ELP2: variants seen among roughly 807,000 people sequenced by gnomAD.
ELP2 encodes the protein elongator acetyltransferase complex subunit 2, also known as elongator complex protein 2.
ELP2 carries 90 observed loss-of-function variants against 119.2 expected under a neutral mutation model. That is an observed-to-expected ratio of 0.75 (90% CI 0.64 to 0.90). The LOEUF is 0.90. Ranked by LOEUF, ELP2 falls within the 40% of genes least tolerant of loss-of-function variation. ELP2 has a pLI of 0.00. For missense variants in ELP2, 921 were observed against 967.8 expected, an observed-to-expected ratio of 0.95 and a Z score of 0.64; for synonymous variants, 339 against 331.0, an observed-to-expected ratio of 1.02 and a Z score of -0.26.
chr18:36,164,696 T>C (rs1430826409), intron 18 of ELP2, 29 bp downstream of exon 18: 1 of 1,602,922 alleles, frequency 6.2e-7, no homozygotes, highest in Non-Finnish European at 8.5e-7. Context: ...GGGAAAGTTA[T>C]TAGTGAAACA....
At chr18:36,160,601 T>C (rs1335418335) in intron 16 of ELP2, among the ~76,000 whole-genome samples, 1 of 150,196 alleles carries the variant, frequency 6.7e-6, no homozygotes, top group Non-Finnish European at 1.5e-5. Flanking sequence ...AAGACTTAAG[T>C]TTTGTTGTTA....
At chr18:36,140,989 T>C (rs549516689) in intron 5 of ELP2, 148 bp from the exon 6 acceptor site, 76 of 732,058 alleles carry the variant, frequency 1.0e-4, no homozygotes, top group Admixed American at 5.8e-4. Context: ...CCTGCAGACA[T>C]TTATTGAGCA....
chr18:36,146,693 A>G (rs2090214272), intron 11 of ELP2, among the ~76,000 whole-genome samples: 1 of 152,178 alleles, frequency 6.6e-6, no homozygotes, highest in Admixed American at 6.5e-5. Flanking sequence ...CCTATTATTG[A>G]ATGAATGTCA....
At chr18:36,169,531 C>T (rs531666003) in intron 19 of ELP2, among the ~76,000 whole-genome samples, 294 of 151,668 alleles carry the variant, frequency 1.9e-3, no homozygotes, top group Middle Eastern at 6.9e-3. Context: ...GGATTACAGG[C>T]ACCCGCCACC....
At chr18:36,169,385 GTTCT>G (rs933189535) in intron 19 of ELP2, among the ~76,000 whole-genome samples, 1 of 107,588 alleles carries the variant, frequency 9.3e-6, no homozygotes, top group Non-Finnish European at 1.9e-5. Context: ...AAGCTGATAA[GTTCT>G]TTTTTTTTTT....
In ELP2 at chr18:36,178,201, A is replaced by G. The variant is rs1488384880; in HGVS notation, c.*3560A>G. ...GCCCAGCTCTGGGTACAGTTGGGCC[A>G]CAGCAGAAGGAGGGCCAGGGTAGAG... On this transcript the variant is annotated 3_prime_UTR_variant, in exon 22 of 22. Transcript: ENST00000358232. The G allele has an allele frequency of 6.6e-6, 1 of 152,270 alleles. No individual in the cohort carries two copies. Among genetic ancestry groups the G allele is most frequent in the African/African-American group, 2.4e-5 (1 of 41,456 alleles). The allele number at this position is 152,270 out of a possible 1,614,324, so 9.4% of individuals were successfully genotyped here.
At chr18:36,164,920 T>A (rs558620778) in intron 18 of ELP2, 1 of 489,690 alleles carries the variant, frequency 2.0e-6, no homozygotes, top group African/African-American at 1.9e-5. Flanking sequence ...ATATCTCAGT[T>A]CAAGAAACAT....
intron 1 of ELP2, among the ~76,000 whole-genome samples, chr18:36,132,188 G>A (rs760612977): frequency 1.2e-4 from 18 of 152,106 alleles, no homozygotes; most frequent in Non-Finnish European, 2.4e-4. Flanking sequence ...ACCTGGCCTC[G>A]ATTGGGCTTT....
chr18:36,142,471 A>G (rs1049782641), intron 7 of ELP2, 124 bp downstream of exon 7: 4 of 796,970 alleles, frequency 5.0e-6, no homozygotes, highest in Non-Finnish European at 6.5e-6. Context: ...TATTGTCCCA[A>G]TTAGAAAGGA....
intron 17 of ELP2, among the ~76,000 whole-genome samples, chr18:36,163,671 T>C (rs991399024): frequency 2.6e-4 from 39 of 152,166 alleles, no homozygotes; most frequent in Admixed American, 6.5e-5. Context: ...TCTTTTATTG[T>C]AGATACCAGT....
chr18:36,142,205 G>A, intron 6 of ELP2, 76 bp from the exon 7 acceptor site: 2 of 1,204,442 alleles, frequency 1.7e-6, no homozygotes, highest in South Asian at 2.4e-5. Context: ...AGGACTGTCT[G>A]AGACCAAATG....
intron 7 of ELP2, 73 bp downstream of exon 7, chr18:36,142,420 T>C: frequency 7.9e-7 from 1 of 1,263,810 alleles, no homozygotes; most frequent in South Asian, 1.2e-5. Context: ...GCAGCCTTTT[T>C]TGTTTTAATT....
At chr18:36,171,707 A>G (rs1963507333) in intron 21 of ELP2, among the ~76,000 whole-genome samples, 2 of 151,810 alleles carry the variant, frequency 1.3e-5, no homozygotes, top group South Asian at 4.2e-4. Context: ...CTACCCTTTT[A>G]CAGGTTTTAT....
At chr18:36,132,277 C>T (rs554330739) in intron 1 of ELP2, among the ~76,000 whole-genome samples, 259 of 152,282 alleles carry the variant, frequency 1.7e-3, no homozygotes, top group African/African-American at 6.2e-3. Flanking sequence ...AAATCTTCGA[C>T]GACCATCTGT....
At chr18:36,142,606 A>G (rs537257806) in intron 7 of ELP2, among the ~76,000 whole-genome samples, 113 of 152,294 alleles carry the variant, frequency 7.4e-4, no homozygotes, top group Admixed American at 1.2e-3. Flanking sequence ...AGAACTTAGT[A>G]GACTATATAC....
intron 9 of ELP2, among the ~76,000 whole-genome samples, chr18:36,145,610 CTA>C (rs972362153): frequency 6.6e-6 from 1 of 152,182 alleles, no homozygotes; most frequent in Admixed American, 6.5e-5. Context: ...TTACATTATG[CTA>C]TGTTTGCTGT....
chr18:36,175,663 G>T lies in ELP2; in HGVS notation c.*1022G>T, dbSNP rs1327515535. The T allele has an allele frequency of 2.6e-5, 4 of 152,370 alleles. No individual in the cohort carries two copies. The highest frequency in any genetic ancestry group is 9.6e-5 in the African/African-American group (4 of 41,460). 9.4% of individuals were successfully genotyped at this position (152,370 alleles called of 1,614,324 possible). ...AAGAAAAGGGTACTGGAAACAGCAT[G>T]TCAGTGGTGCCAGCTGAGGGCTGGA... On this transcript the variant is annotated 3_prime_UTR_variant, in exon 22 of 22. Coordinates refer to ENST00000358232, the MANE Select transcript of ELP2 (RefSeq NM_018255.4).
chr18:36,164,874 A>T, intron 18 of ELP2: 1 of 585,476 alleles, frequency 1.7e-6, no homozygotes, highest in South Asian at 2.0e-5. Flanking sequence ...GGGTTGACCT[A>T]CTTGTGATTA....
rs779739672 is a variant in ELP2, at chr18:36,146,066, T to G, written c.993+18T>G. 18 of 1,610,050 alleles carry G rather than the reference T, an allele frequency of 1.1e-5. No homozygotes were observed. Among genetic ancestry groups the G allele is most frequent in the Admixed American group, 3.3e-5 (2 of 59,994 alleles). ...TAGAACAGGTAAAAATGTTGGATAT[T>G]TAAGGAACAGAAAATTAAGTTTTGA... On this transcript the variant is annotated intron_variant, in intron 10 of 21. Coordinates refer to ENST00000358232, the MANE Select transcript of ELP2 (RefSeq NM_018255.4).
Sources: allele counts gnomAD v4.1 joint callset (sites outside exome capture counted in the v4.1 genomes callset), GRCh38; gene constraint gnomAD v4.1.1; transcripts MANE v1.5; gene names NCBI Gene and HGNC (gene_info 2026-07-23, HGNC 2026-07-21).